Variants in DHRSX observed in about 807,000 individuals in gnomAD.
DHRSX encodes polyprenol dehydrogenase.
Under a neutral mutation model 34.0 loss-of-function variants are expected in DHRSX, and 31 were observed. The ratio of observed to expected loss-of-function variants is 0.91; its 90% confidence interval spans 0.69 to 1.23. DHRSX has a LOEUF of 1.23. DHRSX is among the 50% of genes most tolerant of loss of function. The probability of loss-of-function intolerance (pLI) is 0.00; values close to 1 mark genes in which losing one functional copy is unlikely to be tolerated. For synonymous variants in DHRSX, 201 were observed against 183.8 expected (o/e 1.09, Z -0.76); for missense variants, 414 against 428.1 (o/e 0.97, Z 0.29).
intron 1 of DHRSX, among the ~76,000 whole-genome samples, chrX:2,443,964 C>T (rs1043548048): frequency 6.6e-6 from 1 of 151,454 alleles, no homozygotes; most frequent in African/African-American, 2.4e-5. Flanking sequence ...TGAGATCACA[C>T]CCTGCACTCC....
At chrX:2,400,980 T>C (rs961187940) in intron 3 of DHRSX, among the ~76,000 whole-genome samples, 1 of 152,200 alleles carries the variant, frequency 6.6e-6, no homozygotes, top group African/African-American at 2.4e-5. Flanking sequence ...ACAGAAGGCA[T>C]TGACCAGTGA....
chrX:2,324,948 T>G (rs1165602071), intron 3 of DHRSX, among the ~76,000 whole-genome samples: 1 of 86,822 alleles, frequency 1.2e-5, no homozygotes, highest in African/African-American at 5.0e-5. Context: ...TTTGTTTTGT[T>G]TTTTTTTTTT....
intron 3 of DHRSX, among the ~76,000 whole-genome samples, chrX:2,407,928 AC>A (rs2043577800): frequency 6.6e-6 from 1 of 151,514 alleles, no homozygotes; most frequent in African/African-American, 2.4e-5. Flanking sequence ...CTACCTGTAT[AC>A]AAATGAAAAA....
intron 3 of DHRSX, among the ~76,000 whole-genome samples, chrX:2,347,227 C>T (rs1178344397): frequency 3.3e-5 from 5 of 152,282 alleles, no homozygotes; most frequent in East Asian, 1.9e-4. Flanking sequence ...GTGAAAGGCA[C>T]GTCTCACATT....
rs1167610382 is a variant in DHRSX at position 2,304,292 on chromosome X, G to GAT, written c.287-12690_287-12689insAT. On this transcript the variant is annotated intron_variant, in intron 3 of 6. Transcript: ENST00000334651. ...GGGTGGATGGATGGGTGGGTGGGTG[G>GAT]GTGGATGGATGGATGGATGAATGGA... Among the ~76,000 whole-genome samples the GAT allele has an allele frequency of 6.7e-3, 937 of 139,152 alleles. 27 individuals are homozygous for GAT. Among genetic ancestry groups the GAT allele is most frequent in the African/African-American group, 0.021 (782 of 37,028 alleles). 91.3% of individuals were successfully genotyped at this position (139,152 alleles called of 152,430 possible).
chrX:2,261,735 CA>C (rs1289712098), intron 5 of DHRSX: 2 of 152,066 alleles, frequency 1.3e-5, no homozygotes, highest in Non-Finnish European at 2.9e-5. Flanking sequence ...CACACCACTG[CA>C]CTCCAGCCTG....
rs1453986890 is a variant in DHRSX, at chrX:2,322,619, C to T, written c.287-31016G>A. Among the ~76,000 whole-genome samples the T allele has an allele frequency of 4.0e-5, 6 of 150,478 alleles. No homozygotes were observed. In the South Asian group the frequency reaches 8.4e-4, roughly 21 times the overall value. On this transcript the variant is annotated intron_variant, in intron 3 of 6. Transcript: ENST00000334651. ...TTGATTCTCAAAGTTCCTTATAAGGCGATTCTCCTGCCTCAGCCTCCTGAG... is the reference window on the plus strand; with the variant it reads ...TTGATTCTCAAAGTTCCTTATAAGGTGATTCTCCTGCCTCAGCCTCCTGAG...
At chrX:2,491,651 T>C (rs1454975414) in intron 1 of DHRSX, among the ~76,000 whole-genome samples, 1 of 152,308 alleles carries the variant, frequency 6.6e-6, no homozygotes, top group Admixed American at 6.5e-5. Flanking sequence ...TCTCAAACTT[T>C]ATGGTTTAAA....
chrX:2,301,158 A>C (rs1417239961), intron 3 of DHRSX, among the ~76,000 whole-genome samples: 1 of 152,252 alleles, frequency 6.6e-6, no homozygotes. Flanking sequence ...TTACGCCTGT[A>C]ATCCCAGGAC....
At chrX:2,311,844 T>C (rs1285494234) in intron 3 of DHRSX, among the ~76,000 whole-genome samples, 2 of 152,152 alleles carry the variant, frequency 1.3e-5, no homozygotes, top group Non-Finnish European at 2.9e-5. Context: ...GTCGATTTAA[T>C]GGTCTGAGTT....
At chrX:2,413,748 A>G (rs1315542681) in intron 2 of DHRSX, among the ~76,000 whole-genome samples, 2 of 152,148 alleles carry the variant, frequency 1.3e-5, no homozygotes, top group Non-Finnish European at 2.9e-5. Context: ...ATGATGACCA[A>G]CGCAACTACA....
At chrX:2,451,770 C>T (rs1226891089) in intron 1 of DHRSX, among the ~76,000 whole-genome samples, 6 of 152,180 alleles carry the variant, frequency 3.9e-5, no homozygotes, top group Non-Finnish European at 8.8e-5. Flanking sequence ...GACACTGACA[C>T]TCAGAAGAAT....
intron 3 of DHRSX, among the ~76,000 whole-genome samples, chrX:2,407,587 G>C (rs2043572377): frequency 6.6e-6 from 1 of 152,190 alleles, no homozygotes; most frequent in Admixed American, 6.5e-5. Context: ...CTGGATAAGA[G>C]AATCTGGCTG....
intron 6 of DHRSX, among the ~76,000 whole-genome samples, chrX:2,225,235 A>C (rs2015625925): frequency 1.3e-5 from 2 of 151,576 alleles, no homozygotes; most frequent in South Asian, 4.2e-4. Flanking sequence ...ATTCACATGC[A>C]GTCACACATG....
At chrX:2,494,949 G>C (rs964123550) in intron 1 of DHRSX, among the ~76,000 whole-genome samples, 3 of 151,650 alleles carry the variant, frequency 2.0e-5, no homozygotes, top group African/African-American at 7.3e-5. Context: ...TGGAGCAAAG[G>C]TTTATATTCT....
chrX:2,396,280 C>G (rs1016631623), intron 3 of DHRSX, among the ~76,000 whole-genome samples: 1 of 151,982 alleles, frequency 6.6e-6, no homozygotes, highest in Non-Finnish European at 1.5e-5. Context: ...CAAATAAGTT[C>G]CTGTTCACAG....
At chrX:2,474,852 C>A (rs2044651931) in intron 1 of DHRSX, among the ~76,000 whole-genome samples, 1 of 151,722 alleles carries the variant, frequency 6.6e-6, no homozygotes, top group Admixed American at 6.6e-5. Flanking sequence ...TAAGGGACCG[C>A]CGCCATGTAC....
chrX:2,380,587 C>T (rs1376687572), intron 3 of DHRSX, among the ~76,000 whole-genome samples: 1 of 152,044 alleles, frequency 6.6e-6, no homozygotes, highest in Non-Finnish European at 1.5e-5. Context: ...TAATTCCCAG[C>T]GTTGAGGGAG....
intron 3 of DHRSX, chrX:2,336,526 TG>T (rs2042566129): frequency 6.6e-6 from 1 of 152,160 alleles, no homozygotes; most frequent in Non-Finnish European, 1.5e-5. Flanking sequence ...TCATCAGTAC[TG>T]GGGTATCCTG....
Sources: allele counts gnomAD v4.1 joint callset (sites outside exome capture counted in the v4.1 genomes callset), GRCh38; gene constraint gnomAD v4.1.1; transcripts MANE v1.5; gene names NCBI Gene and HGNC (gene_info 2026-07-23, HGNC 2026-07-21).